POT1: variants seen among roughly 807,000 people sequenced by gnomAD.
The protein encoded by POT1 is protection of telomeres 1, also known as protection of telomeres protein 1.
Under a neutral mutation model 78.5 loss-of-function variants are expected in POT1, and 47 were observed. The ratio of observed to expected loss-of-function variants is 0.60; its 90% CI spans 0.47 to 0.76. The LOEUF (loss-of-function observed/expected upper bound fraction) is 0.76, where lower values mean the gene tolerates loss of function less well. POT1 is among the 30% of genes least tolerant of loss of function. The pLI, the probability that POT1 is intolerant of heterozygous loss-of-function variation, is 0.00. For synonymous variants in POT1, 259 were observed against 260.7 expected (o/e 0.99, Z 0.06); for missense variants, 646 against 749.9 (o/e 0.86, Z 1.62).
chr7:124,918,243 C>T (rs573472211), intron 2 of POT1, among the ~76,000 whole-genome samples: 36 of 152,252 alleles, frequency 2.4e-4, no homozygotes, highest in African/African-American at 7.7e-4. Context: ...ACTAAATTAC[C>T]GGGACTAAAC....
chr7:124,874,125 CT>C (rs1385992394), intron 6 of POT1, among the ~76,000 whole-genome samples: 2 of 152,160 alleles, frequency 1.3e-5, no homozygotes, highest in Admixed American at 6.5e-5. Context: ...AACAAAGGCT[CT>C]TTTCCAAGGG....
At chr7:124,876,624 G>A (rs1410162950) in intron 6 of POT1, among the ~76,000 whole-genome samples, 3 of 151,904 alleles carry the variant, frequency 2.0e-5, no homozygotes, top group Non-Finnish European at 2.9e-5. Context: ...AAAACTCAGG[G>A]GCACTGAACA....
chr7:124,924,144 T>C (rs1188260490), intron 2 of POT1, among the ~76,000 whole-genome samples: 1 of 86,678 alleles, frequency 1.2e-5, no homozygotes, highest in Non-Finnish European at 2.4e-5. Flanking sequence ...CAGAACTAAA[T>C]GAACAAAAAT....
Position 124,870,894 on chromosome 7 carries a change from G to A in POT1, c.255+17C>T. On this transcript the variant is annotated intron_variant, in intron 7 of 18. Coordinates refer to ENST00000357628, the MANE Select transcript of POT1 (RefSeq NM_015450.3). ...TCTCTTCAAATAAATATAAGTTCTA[G>A]ACAATATGAATTATACCTTCAGCCT... The A allele has an allele frequency of 6.3e-7, 1 of 1,589,268 alleles. No homozygotes were observed.
At chr7:124,867,068 T>C (rs1367406957) in intron 7 of POT1, among the ~76,000 whole-genome samples, 3 of 152,188 alleles carry the variant, frequency 2.0e-5, no homozygotes, top group Admixed American at 2.0e-4. Context: ...CTGATTAACA[T>C]AGTAAACCAG....
intron 6 of POT1, among the ~76,000 whole-genome samples, chr7:124,880,864 T>C (rs1299532033): frequency 6.6e-6 from 1 of 151,988 alleles, no homozygotes; most frequent in African/African-American, 2.4e-5. Context: ...CTTGGCTACA[T>C]ACACACACAC....
chr7:124,880,806 C>T (rs1796099484), intron 6 of POT1, among the ~76,000 whole-genome samples: 1 of 104,084 alleles, frequency 9.6e-6, no homozygotes, highest in Non-Finnish European at 2.1e-5. Flanking sequence ...CTGCAAAAAC[C>T]TAAACAATTT....
Position 124,829,250 on chromosome 7 carries a change from T to C in POT1, c.1594+4A>G, listed in dbSNP as rs1197679328. The C allele has an allele frequency of 6.3e-7, 1 of 1,579,604 alleles. No homozygotes were observed. The highest frequency in any genetic ancestry group is 2.2e-5 in the East Asian group (1 of 44,682). On this transcript the variant is annotated splice_donor_region_variant and intron_variant, in intron 16 of 18. Coordinates refer to ENST00000357628, the MANE Select transcript of POT1 (RefSeq NM_015450.3). The stretch of plus-strand genomic sequence containing the variant: ...AAATTGCAGGGCATGGAAATTTAGC[T>C]AACCTTCTGCCACAGAAGAAGGAAT...
At chr7:124,857,081 C>A (rs183846510) in intron 9 of POT1, among the ~76,000 whole-genome samples, 1 of 152,050 alleles carries the variant, frequency 6.6e-6, no homozygotes, top group South Asian at 2.1e-4. Context: ...TTTCTGTAAC[C>A]CAGAACAGTA....
chr7:124,849,791 A>G (rs1289270475), intron 11 of POT1, among the ~76,000 whole-genome samples: 1 of 152,156 alleles, frequency 6.6e-6, no homozygotes, highest in African/African-American at 2.4e-5. Flanking sequence ...GAGTCATATG[A>G]ATTAGCCCAG....
intron 4 of POT1, 64 bp from the exon 5 acceptor site, chr7:124,897,276 T>C: frequency 6.7e-6 from 4 of 595,922 alleles, no homozygotes. Context: ...TACATGCTTT[T>C]AGTTGTAGTA....
At chr7:124,911,563 A>C (rs1347481062) in intron 3 of POT1, among the ~76,000 whole-genome samples, 1 of 152,186 alleles carries the variant, frequency 6.6e-6, no homozygotes, top group Non-Finnish European at 1.5e-5. Flanking sequence ...TGGCAAATGC[A>C]TTACTTCCCT....
intron 6 of POT1, among the ~76,000 whole-genome samples, chr7:124,887,859 A>C (rs1796282562): frequency 6.6e-6 from 1 of 152,132 alleles, no homozygotes; most frequent in Non-Finnish European, 1.5e-5. Context: ...GTTTCTGTTC[A>C]CTTTATTACC....
intron 6 of POT1, 36 bp downstream of exon 6, chr7:124,892,230 T>C: frequency 7.8e-7 from 1 of 1,279,474 alleles, no homozygotes; most frequent in South Asian, 1.4e-5. Context: ...ATAATGCATT[T>C]CCACTCCAAA....
intron 3 of POT1, among the ~76,000 whole-genome samples, chr7:124,901,700 G>A (rs1796624493): frequency 6.6e-6 from 1 of 152,188 alleles, no homozygotes. Context: ...GGCAGAAGTA[G>A]GCTTCAGAAG....
chr7:124,885,293 C>CAAA (rs11372618), intron 6 of POT1, among the ~76,000 whole-genome samples: 7,020 of 62,270 alleles, frequency 0.11, 286 homozygotes, highest in East Asian at 0.26. Context: ...TCCATCTCTC[C>CAAA]AAAAAAAAAA....
At chr7:124,909,600 T>C (rs1310657045) in intron 3 of POT1, among the ~76,000 whole-genome samples, 1 of 151,952 alleles carries the variant, frequency 6.6e-6, no homozygotes, top group African/African-American at 2.4e-5. Flanking sequence ...CTTCACATCA[T>C]TATATTTTAA....
intron 2 of POT1, among the ~76,000 whole-genome samples, chr7:124,917,852 A>C (rs1376664885): frequency 6.6e-6 from 1 of 152,154 alleles, no homozygotes; most frequent in East Asian, 1.9e-4. Flanking sequence ...CACTCCTAGC[A>C]CCTGCGAAAG....
intron 15 of POT1, among the ~76,000 whole-genome samples, chr7:124,833,163 T>TAG (rs1244522074): frequency 2.0e-5 from 3 of 152,094 alleles, no homozygotes; most frequent in Admixed American, 2.0e-4. Flanking sequence ...GAGGGAGAAT[T>TAG]AGACACTGAG....
Sources: gnomAD v4.1 joint callset for allele counts (sites outside exome capture counted in the v4.1 genomes callset) on GRCh38, gnomAD v4.1.1 for gene constraint, MANE v1.5 for transcripts, NCBI Gene and HGNC (gene_info 2026-07-23, HGNC 2026-07-21) for gene names.